The following CLIC4 variants were observed in gnomAD, a reference collection of about 807,000 sequenced individuals.
CLIC4 encodes chloride intracellular channel protein 4.
In CLIC4, 13 loss-of-function variants were observed where a neutral mutation model predicts 24.6. The observed-to-expected ratio is 0.53, with a 90% CI of 0.34 to 0.84. The LOEUF is 0.84. CLIC4 is among the 40% of genes least tolerant of loss of function. The pLI is 0.01. For missense variants in CLIC4, 227 were observed against 301.7 expected (o/e 0.75, Z 1.83); for synonymous variants, 104 against 111.3 (o/e 0.93, Z 0.41).
intron 5 of CLIC4, 43 bp from the exon 6 acceptor site, chr1:24,840,730 C>T (rs1228051465): frequency 2.5e-5 from 37 of 1,500,374 alleles, no homozygotes; most frequent in African/African-American, 4.2e-5. Flanking sequence ...GTTTACAAGA[C>T]GTGGAAATAA....
intron 2 of CLIC4, among the ~76,000 whole-genome samples, chr1:24,813,643 T>C (rs1434522746): frequency 1.3e-5 from 2 of 151,160 alleles, no homozygotes; most frequent in Non-Finnish European, 2.9e-5. Context: ...GGTCTCAAAC[T>C]CCTGACCTCA....
At chr1:24,802,972 G>C (rs1490294396) in intron 2 of CLIC4, among the ~76,000 whole-genome samples, 1 of 152,146 alleles carries the variant, frequency 6.6e-6, no homozygotes, top group Non-Finnish European at 1.5e-5. Flanking sequence ...GTCTCCCAAA[G>C]TGCTGGGATT....
intron 3 of CLIC4, among the ~76,000 whole-genome samples, chr1:24,817,799 C>G (rs977773459): frequency 1.3e-5 from 2 of 152,200 alleles, no homozygotes; most frequent in African/African-American, 4.8e-5. Context: ...ATATGTGACT[C>G]TTCCCTTCAC....
In CLIC4 at chr1:24,842,768, T is replaced by C. The variant is rs1202491735; in HGVS notation, c.*1831T>C. ...GGAAGATGCACTATTCAGTTATCTA[T>C]TGAGAAATTATTTTGCAGTGGTTTT... On this transcript the variant is annotated 3_prime_UTR_variant, in exon 6 of 6. Transcript: ENST00000374379. 6.6e-6 allele frequency: 1 copy of C among 152,148 alleles called. No individual in the cohort carries two copies. Among genetic ancestry groups the C allele is most frequent in the East Asian group, 1.9e-4 (1 of 5,196 alleles). The allele number at this position is 152,148 out of a possible 1,614,324, so 9.4% of individuals were successfully genotyped here.
At chr1:24,767,924 A>G (rs1292980246) in intron 1 of CLIC4, among the ~76,000 whole-genome samples, 1 of 151,668 alleles carries the variant, frequency 6.6e-6, no homozygotes, top group Non-Finnish European at 1.5e-5. Flanking sequence ...GCTAACTACA[A>G]CCTCTGCCTC....
chr1:24,776,921 A>C (rs3122054), intron 1 of CLIC4, among the ~76,000 whole-genome samples: 3,776 of 152,262 alleles, frequency 0.025, 125 homozygotes, highest in African/African-American at 0.083. Context: ...TCAAAAAAAA[A>C]CCCGAAAATG....
rs766894932 is a variant in CLIC4, at chr1:24,813,042, C to CTT, written c.183-1050_183-1049dup. On this transcript the variant is annotated intron_variant, in intron 2 of 5. Transcript: ENST00000374379. The stretch of plus-strand genomic sequence containing the variant: ...GAAAAATACCTTTCTTTCTTTCTTT[C>CTT]TTTCTTTTTTTTTTTTTTTAAGATG... 3.7e-4 allele frequency among the ~76,000 whole-genome samples: 42 copies of CTT among 114,090 alleles called. 2 individuals carry two copies. In the South Asian group the frequency reaches 4.3e-3, roughly 12 times the overall value. The allele number at this position is 114,090 out of a possible 152,430, so 74.8% of individuals were successfully genotyped here.
Position 24,840,944 on chromosome 1 carries a change from G to A in CLIC4, c.*7G>A, listed in dbSNP as rs574940681. 9.1e-5 allele frequency: 145 copies of A among 1,587,584 alleles called. No individual in the cohort carries two copies. Among genetic ancestry groups the A allele is most frequent in the South Asian group, 5.7e-4 (49 of 86,336 alleles). On this transcript the variant is annotated 3_prime_UTR_variant, in exon 6 of 6. Transcript: ENST00000374379. ...CAAAAGACTCACCAAGTAAAATCGCGTTTGTAAAAGAGATGTCTTCATGTC... is the reference window on the plus strand; with the variant it reads ...CAAAAGACTCACCAAGTAAAATCGCATTTGTAAAAGAGATGTCTTCATGTC...
chr1:24,766,067 G>A (rs971589363), intron 1 of CLIC4, among the ~76,000 whole-genome samples: 4 of 151,438 alleles, frequency 2.6e-5, no homozygotes, highest in Admixed American at 6.6e-5. Flanking sequence ...GCAGTGGCGC[G>A]ATCTCAGCTC....
intron 2 of CLIC4, among the ~76,000 whole-genome samples, chr1:24,806,213 G>A (rs1333666798): frequency 6.6e-6 from 1 of 152,170 alleles, no homozygotes; most frequent in Non-Finnish European, 1.5e-5. Flanking sequence ...TTCTTACAGT[G>A]TTACATTTCT....
chr1:24,799,530 C>T (rs557658003), intron 2 of CLIC4, among the ~76,000 whole-genome samples: 7 of 151,428 alleles, frequency 4.6e-5, no homozygotes, highest in African/African-American at 1.2e-4. Context: ...CGTCTCCGCC[C>T]GGCAGCCCCC....
At chr1:24,821,198 G>GA (rs11400541) in intron 3 of CLIC4, among the ~76,000 whole-genome samples, 49,814 of 145,148 alleles carry the variant, frequency 0.34, 8,560 homozygotes, top group Middle Eastern at 0.52. Context: ...AAAGAAGAAG[G>GA]AAAAAAAAAA....
At chr1:24,775,084 AG>A (rs1411347938) in intron 1 of CLIC4, among the ~76,000 whole-genome samples, 1 of 151,844 alleles carries the variant, frequency 6.6e-6, no homozygotes, top group Non-Finnish European at 1.5e-5. Flanking sequence ...AAAAAAAAAA[AG>A]AAAGTGATTC....
chr1:24,801,526 T>C (rs759406202), intron 2 of CLIC4, among the ~76,000 whole-genome samples: 4 of 152,176 alleles, frequency 2.6e-5, no homozygotes, highest in East Asian at 3.8e-4. Context: ...CAATTTGATA[T>C]GAGATTTGGG....
intron 3 of CLIC4, among the ~76,000 whole-genome samples, chr1:24,824,640 C>T (rs1048881994): frequency 1.3e-5 from 2 of 151,934 alleles, no homozygotes; most frequent in African/African-American, 4.8e-5. Flanking sequence ...ACATAATTTC[C>T]TTTTAGGTAA....
At chr1:24,767,618 C>CA (rs1314262896) in intron 1 of CLIC4, among the ~76,000 whole-genome samples, 1 of 152,192 alleles carries the variant, frequency 6.6e-6, no homozygotes, top group Non-Finnish European at 1.5e-5. Context: ...AACTAAAGGA[C>CA]AGTCAGATTG....
chr1:24,831,271 C>T (rs767130626), intron 4 of CLIC4, among the ~76,000 whole-genome samples: 5 of 152,170 alleles, frequency 3.3e-5, no homozygotes, highest in African/African-American at 1.2e-4. Context: ...CCACATTGCC[C>T]AGGCTGGTCT....
At chr1:24,831,599 C>T (rs1187290353) in intron 4 of CLIC4, among the ~76,000 whole-genome samples, 1 of 152,096 alleles carries the variant, frequency 6.6e-6, no homozygotes, top group Non-Finnish European at 1.5e-5. Flanking sequence ...TCCTTGTACT[C>T]TAATATGTTC....
chr1:24,749,913 A>G (rs1028409569), intron 1 of CLIC4, among the ~76,000 whole-genome samples: 1 of 152,134 alleles, frequency 6.6e-6, no homozygotes. Context: ...TGGGCAACGT[A>G]GCAAAACCCC....
Sources: gnomAD v4.1 joint callset for allele counts (sites outside exome capture counted in the v4.1 genomes callset) on GRCh38, gnomAD v4.1.1 for gene constraint, MANE v1.5 for transcripts, NCBI Gene and HGNC (gene_info 2026-07-23, HGNC 2026-07-21) for gene names.